ACMSD: variants seen among roughly 807,000 people sequenced by gnomAD.
ACMSD encodes aminocarboxymuconate semialdehyde decarboxylase, also known as 2-amino-3-carboxymuconate-6-semialdehyde decarboxylase.
A neutral mutation model predicts 45.9 loss-of-function variants in ACMSD; 37 were observed. That is an observed-to-expected ratio of 0.81 (90% CI 0.62 to 1.06). The LOEUF (loss-of-function observed/expected upper bound fraction) is 1.06. Among genes scored for constraint, ACMSD ranks in the 50% least tolerant of loss-of-function variants. The pLI is 0.00. For missense variants in ACMSD, 434 were observed against 420.9 expected, an observed-to-expected ratio of 1.03 and a Z score of -0.27; for synonymous variants, 138 against 148.8, an observed-to-expected ratio of 0.93 and a Z score of 0.53.
chr2:134,883,397 C>T (rs769323641), intron 8 of ACMSD, among the ~76,000 whole-genome samples: 7 of 152,146 alleles, frequency 4.6e-5, no homozygotes, highest in Non-Finnish European at 1.0e-4. Flanking sequence ...CAACAGTCAT[C>T]CAAGGCCATA....
At chr2:134,877,165 ATAG>A (rs1688781303) in intron 8 of ACMSD, among the ~76,000 whole-genome samples, 1 of 152,328 alleles carries the variant, frequency 6.6e-6, no homozygotes, top group Middle Eastern at 3.4e-3. Flanking sequence ...GCACATAATA[ATAG>A]TAGTAATAAT....
rs73962615 is a variant in ACMSD, at chr2:134,852,355, G to A, written c.103-6906G>A. 4.7e-3 allele frequency among the ~76,000 whole-genome samples: 720 copies of A among 152,268 alleles called. 7 individuals carry two copies. Among genetic ancestry groups the A allele is most frequent in the African/African-American group, 0.016 (681 of 41,528 alleles). ...GAATGGAAGCAGGGAGATGGGGCTG[G>A]AGGCTGAGAAATCATTCAGGGAGAG... is the stretch of plus-strand genomic sequence containing the variant. On this transcript the variant is annotated intron_variant, in intron 2 of 9. Coordinates refer to ENST00000356140, the MANE Select transcript of ACMSD (RefSeq NM_138326.3).
At chr2:134,890,772 T>A (rs982179958) in intron 8 of ACMSD, among the ~76,000 whole-genome samples, 1 of 151,958 alleles carries the variant, frequency 6.6e-6, no homozygotes, top group Non-Finnish European at 1.5e-5. Flanking sequence ...TATAAACAAT[T>A]GTTAAATCTG....
intron 8 of ACMSD, among the ~76,000 whole-genome samples, chr2:134,884,543 A>G (rs993585456): frequency 6.6e-6 from 1 of 152,214 alleles, no homozygotes; most frequent in African/African-American, 2.4e-5. Context: ...TTGGAATTGT[A>G]AACAGCTTTA....
chr2:134,879,649 C>G (rs747898640), intron 8 of ACMSD, among the ~76,000 whole-genome samples: 14 of 152,204 alleles, frequency 9.2e-5, no homozygotes, highest in Non-Finnish European at 1.9e-4. Flanking sequence ...AAGATGACTG[C>G]AGACCACCAA....
intron 8 of ACMSD, among the ~76,000 whole-genome samples, chr2:134,887,895 A>G (rs1689553096): frequency 6.6e-6 from 1 of 152,210 alleles, no homozygotes; most frequent in East Asian, 1.9e-4. Flanking sequence ...ACAACTAAAC[A>G]AAAAAGCTAA....
In ACMSD at chr2:134,860,856, CAAAAAAAA is replaced by C. The variant is rs60233157; in HGVS notation, c.200-1096_200-1089del. Among the ~76,000 whole-genome samples, 41 of 72,472 alleles carry C rather than the reference CAAAAAAAA, an allele frequency of 5.7e-4. 1 individual carries two copies. The South Asian group carries it at 0.019, about 34-fold the overall frequency. 47.5% of individuals were successfully genotyped at this position (72,472 alleles called of 152,430 possible). A position where few individuals can be genotyped will look rare whatever the true frequency, so the allele number is the denominator to read the frequency against. On this transcript the variant is annotated intron_variant, in intron 3 of 9. Transcript: ENST00000356140. ...GAAACACAGTGAGACCCTGTCTCCA[CAAAAAAAA>C]AAAAAAAAAAAAAAAATTATCTAGG... is the stretch of plus-strand genomic sequence containing the variant.
chr2:134,892,857 T>C (rs977778978), intron 8 of ACMSD, among the ~76,000 whole-genome samples: 2 of 152,184 alleles, frequency 1.3e-5, no homozygotes, highest in Non-Finnish European at 2.9e-5. Context: ...ACAACTTCAA[T>C]ATTAGCATAA....
intron 2 of ACMSD, among the ~76,000 whole-genome samples, chr2:134,858,304 A>G (rs1183317569): frequency 6.6e-6 from 1 of 152,172 alleles, no homozygotes; most frequent in Non-Finnish European, 1.5e-5. Flanking sequence ...CTGTACTTAT[A>G]TGTAGAATCT....
Position 134,863,636 on chromosome 2 carries a change from G to A in ACMSD, c.486+5G>A. 6.2e-7 allele frequency: 1 copy of A among 1,613,680 alleles called. No homozygotes were observed. ...GAGCTCTTTCCTGTCTATGCGGTGA[G>A]TAGCGGGGCTGCTCAGCCAACGCCA... is the stretch of plus-strand genomic sequence containing the variant. On this transcript the variant is annotated splice_donor_5th_base_variant and intron_variant, in intron 5 of 9. Coordinates refer to ENST00000356140, the MANE Select transcript of ACMSD (RefSeq NM_138326.3).
chr2:134,879,932 T>C (rs1573689042), intron 8 of ACMSD, among the ~76,000 whole-genome samples: 1 of 152,350 alleles, frequency 6.6e-6, no homozygotes, highest in Non-Finnish European at 1.5e-5. Context: ...ATTGGATTCC[T>C]TGTTTGCTGA....
At chr2:134,885,294 T>TATATGTGTGTAA (rs1689291756) in intron 8 of ACMSD, among the ~76,000 whole-genome samples, 1 of 91,054 alleles carries the variant, frequency 1.1e-5, no homozygotes. Context: ...ATTATATTTA[T>TATATGTGTGTAA]ATATATATTT....
At chr2:134,850,939 G>T (rs1276780679) in intron 2 of ACMSD, among the ~76,000 whole-genome samples, 2 of 152,148 alleles carry the variant, frequency 1.3e-5, no homozygotes, top group Non-Finnish European at 2.9e-5. Context: ...CTCAGGCCTT[G>T]TCTCCTCCCT....
chr2:134,867,673 G>C lies in ACMSD; in HGVS notation c.580+1G>C, dbSNP rs1333770667. The stretch of plus-strand genomic sequence containing the variant: ...AAATACTGGCTCCCTTGGCTTGTAG[G>C]TTTGTGTCTGTGTGGGGTCTGGAAC... On this transcript the variant is annotated splice_donor_variant, in intron 6 of 9. Coordinates refer to ENST00000356140, the MANE Select transcript of ACMSD (RefSeq NM_138326.3). LOFTEE classifies it high-confidence loss of function. 1.9e-5 allele frequency: 30 copies of C among 1,612,932 alleles called. No individual in the cohort carries two copies. Among genetic ancestry groups the C allele is most frequent in the Non-Finnish European group, 2.4e-5 (28 of 1,179,376 alleles).
chr2:134,860,002 A>G (rs1255777520), intron 3 of ACMSD, among the ~76,000 whole-genome samples: 1 of 152,218 alleles, frequency 6.6e-6, no homozygotes. Flanking sequence ...GAATTTCAGA[A>G]AAGGCACAGT....
At position 134,862,005 on chromosome 2, in the gene ACMSD, T is replaced by C; in HGVS notation, c.236T>C (p.Met79Thr). ...TVQALSTVPV[M>T]FSYWAKPEDT... The stretch of plus-strand genomic sequence containing the variant: ...CAAGCCCTTTCCACAGTTCCTGTCA[T>C]GTTTAGCTACTGGGTGAGTGTGAAA... Residue 79 changes from methionine to threonine, a missense_variant, in exon 4 of 10, where the codon ATG becomes ACG. Coordinates refer to ENST00000356140, the MANE Select transcript of ACMSD (RefSeq NM_138326.3). 6.2e-7 allele frequency: 1 copy of C among 1,614,178 alleles called. No individual in the cohort carries two copies.
intron 9 of ACMSD, among the ~76,000 whole-genome samples, chr2:134,899,123 T>C (rs113881321): frequency 2.0e-5 from 3 of 152,142 alleles, no homozygotes; most frequent in South Asian, 2.1e-4. Flanking sequence ...TATGAGAATA[T>C]ATAAACTCTT....
chr2:134,861,975 C>T lies in ACMSD; in HGVS notation c.206C>T (p.Thr69Ile). ...TCTTTGTGTCCATGTCTAGGAGTAA[C>T]AGTGCAAGCCCTTTCCACAGTTCCT... ...RIREMDQKGV[T>I]VQALSTVPVM... The change falls in exon 4 of 10, where the codon ACA becomes ATA. Residue 69 changes from threonine to isoleucine, a missense_variant. Transcript: ENST00000356140. 1 of 1,614,164 alleles carries T rather than the reference C, an allele frequency of 6.2e-7. No individual in the cohort carries two copies. Among genetic ancestry groups the T allele is most frequent in the Non-Finnish European group, 8.5e-7 (1 of 1,180,034 alleles).
At chr2:134,847,026 G>A (rs192268951) in intron 2 of ACMSD, among the ~76,000 whole-genome samples, 49 of 152,326 alleles carry the variant, frequency 3.2e-4, no homozygotes, top group African/African-American at 9.9e-4. Context: ...GGAACAGAAA[G>A]GAGGGCAATG....
Sources: gnomAD v4.1 joint callset for allele counts (sites outside exome capture counted in the v4.1 genomes callset) on GRCh38, gnomAD v4.1.1 for gene constraint, MANE v1.5 for transcripts, NCBI Gene and HGNC (gene_info 2026-07-23, HGNC 2026-07-21) for gene names.